Variants in NPL observed in about 807,000 individuals in gnomAD.
NPL encodes N-acetylneuraminate lyase.
Under a neutral mutation model 41.1 loss-of-function variants are expected in NPL, and 32 were observed. That is an observed-to-expected ratio of 0.78 (90% CI 0.59 to 1.05). NPL has a LOEUF of 1.05. NPL is among the 50% of genes least tolerant of loss of function. The pLI, the probability that NPL is intolerant of heterozygous loss-of-function variation, is 0.00. For missense variants in NPL, 321 were observed against 378.4 expected (o/e 0.85, Z 1.26); for synonymous variants, 128 against 134.9 (o/e 0.95, Z 0.35).
At chr1:182,819,919 G>T (rs916734757) in intron 10 of NPL, among the ~76,000 whole-genome samples, 9 of 152,376 alleles carry the variant, frequency 5.9e-5, no homozygotes, top group African/African-American at 2.2e-4. Context: ...AGAGGAGGAT[G>T]TACAACCAGG....
At chr1:182,818,743 T>C (rs756165948) in intron 9 of NPL, 54 bp downstream of exon 9, 4 of 1,613,986 alleles carry the variant, frequency 2.5e-6, no homozygotes, top group Non-Finnish European at 3.4e-6. Flanking sequence ...AAACAATTTG[T>C]GTAGCTATAT....
chr1:182,815,359 T>A lies in NPL; in HGVS notation c.364+501T>A, dbSNP rs192691214. ...TTCTCTGCAGAAACTATTTATGGTG[T>A]CTAAGTATACCAAGTCTTTTTAATC... is the stretch of plus-strand genomic sequence containing the variant. On this transcript the variant is annotated intron_variant, in intron 7 of 12. Transcript: ENST00000367553. 3.5e-4 allele frequency among the ~76,000 whole-genome samples: 53 copies of A among 152,318 alleles called. 2 individuals are homozygous for A. The highest frequency in any genetic ancestry group is 1.4e-3 in the Admixed American group (22 of 15,306).
intron 3 of NPL, among the ~76,000 whole-genome samples, chr1:182,797,921 G>C (rs1311584365): frequency 6.6e-6 from 1 of 152,186 alleles, no homozygotes; most frequent in Non-Finnish European, 1.5e-5. Context: ...CATAGTTGTG[G>C]TAGCTTTTGT....
Position 182,829,805 on chromosome 1 carries a change from T to C in NPL, c.*897T>C, listed in dbSNP as rs1420004547. 1.5e-6 allele frequency: 1 copy of C among 660,070 alleles called. No homozygotes were observed. Among genetic ancestry groups the C allele is most frequent in the South Asian group, 2.0e-5 (1 of 50,520 alleles). 40.9% of individuals were successfully genotyped at this position (660,070 alleles called of 1,614,324 possible). On this transcript the variant is annotated 3_prime_UTR_variant, in exon 13 of 13. Transcript: ENST00000367553. ...GCAACTAGTGACTTTTGTTTAGTGA[T>C]AGAAGATTTGGGGAGGACCCAAAGG...
intron 7 of NPL, among the ~76,000 whole-genome samples, chr1:182,815,681 G>A (rs1667306842): frequency 6.6e-6 from 1 of 152,172 alleles, no homozygotes. Context: ...ATAGCTCACT[G>A]CAGCCTCAAA....
intron 3 of NPL, among the ~76,000 whole-genome samples, chr1:182,796,450 C>G (rs1666669441): frequency 6.6e-6 from 1 of 152,196 alleles, no homozygotes; most frequent in Non-Finnish European, 1.5e-5. Flanking sequence ...CCTGGAAATA[C>G]TGCCAGGTGA....
intron 10 of NPL, among the ~76,000 whole-genome samples, chr1:182,819,316 G>T (rs1667424281): frequency 6.6e-6 from 1 of 152,002 alleles, no homozygotes; most frequent in African/African-American, 2.4e-5. Flanking sequence ...CATGGTGGCG[G>T]GCGCCTGTAA....
intron 1 of NPL, chr1:182,791,193 C>G (rs1485806457): frequency 6.6e-6 from 1 of 152,038 alleles, no homozygotes. Context: ...ATCAGGAAAT[C>G]CCCTGGTTTT....
At chr1:182,821,566 C>T (rs1223014941) in intron 10 of NPL, among the ~76,000 whole-genome samples, 1 of 152,152 alleles carries the variant, frequency 6.6e-6, no homozygotes, top group African/African-American at 2.4e-5. Flanking sequence ...TGATTTATGT[C>T]AAGCACCTAT....
intron 10 of NPL, among the ~76,000 whole-genome samples, chr1:182,821,543 C>T (rs986392783): frequency 1.3e-5 from 2 of 152,088 alleles, no homozygotes; most frequent in South Asian, 2.1e-4. Flanking sequence ...CAGGGTTTTA[C>T]AAGGATTAGA....
intron 3 of NPL, among the ~76,000 whole-genome samples, chr1:182,797,621 C>T (rs1316647719): frequency 1.3e-5 from 2 of 152,148 alleles, no homozygotes; most frequent in South Asian, 2.1e-4. Context: ...TCCACTTGAA[C>T]ACTTCTACTC....
intron 6 of NPL, among the ~76,000 whole-genome samples, chr1:182,812,851 G>A (rs980545929): frequency 6.6e-6 from 1 of 152,012 alleles, no homozygotes; most frequent in Non-Finnish European, 1.5e-5. Flanking sequence ...TGGCAGAAAA[G>A]CAGGTGGTGT....
chr1:182,824,593 T>C (rs1011844860), intron 11 of NPL, among the ~76,000 whole-genome samples: 1 of 152,034 alleles, frequency 6.6e-6, no homozygotes, highest in Non-Finnish European at 1.5e-5. Flanking sequence ...GTCAGGAGAT[T>C]GAGACCATCA....
rs1265256685 is a variant in NPL, at chr1:182,803,789, A to T, written c.142+18A>T. ...CATTTTTGGTAAGTCAACTCTGGGG[A>T]TGTCGCTGCATGTCTCCAGCTCAGT... On this transcript the variant is annotated intron_variant, in intron 4 of 12. Transcript: ENST00000367553. The T allele has an allele frequency of 2.0e-6, 3 of 1,504,510 alleles. No individual in the cohort carries two copies. The highest frequency in any genetic ancestry group is 1.7e-5 in the Admixed American group (1 of 59,854). 93.2% of individuals were successfully genotyped at this position (1,504,510 alleles called of 1,614,324 possible).
At chr1:182,807,020 AAT>A (rs1667034206) in intron 5 of NPL, among the ~76,000 whole-genome samples, 1 of 151,838 alleles carries the variant, frequency 6.6e-6, no homozygotes, top group African/African-American at 2.4e-5. Flanking sequence ...TTGTATTTTT[AAT>A]AGAGATGGGG....
At chr1:182,798,706 C>T (rs889331637) in intron 3 of NPL, among the ~76,000 whole-genome samples, 3 of 152,180 alleles carry the variant, frequency 2.0e-5, no homozygotes, top group Admixed American at 6.5e-5. Context: ...AAAAACAAAG[C>T]TGTTACCCCA....
At chr1:182,824,057 C>T (rs1321237413) in intron 11 of NPL, among the ~76,000 whole-genome samples, 1 of 152,204 alleles carries the variant, frequency 6.6e-6, no homozygotes, top group African/African-American at 2.4e-5. Context: ...CTAAATTTAT[C>T]TCATTCACTT....
chr1:182,815,703 A>G (rs950292192), intron 7 of NPL, among the ~76,000 whole-genome samples: 2 of 152,150 alleles, frequency 1.3e-5, no homozygotes, highest in African/African-American at 4.8e-5. Context: ...TCCTGGGCTC[A>G]AGCAACACTC....
intron 1 of NPL, among the ~76,000 whole-genome samples, chr1:182,791,843 CTT>C (rs1354154569): frequency 6.6e-6 from 1 of 152,132 alleles, no homozygotes; most frequent in Non-Finnish European, 1.5e-5. Flanking sequence ...TCTCAGGACT[CTT>C]ATCACTTGAA....
Sources: allele counts gnomAD v4.1 joint callset (sites outside exome capture counted in the v4.1 genomes callset), GRCh38; gene constraint gnomAD v4.1.1; transcripts MANE v1.5; gene names NCBI Gene and HGNC (gene_info 2026-07-23, HGNC 2026-07-21).